Variants in COPB2 observed in about 807,000 individuals in gnomAD.
COPB2 encodes the protein coatomer subunit beta'.
COPB2 carries 16 observed loss-of-function variants against 120.8 expected under a neutral mutation model. The ratio of observed to expected loss-of-function variants is 0.13; its 90% CI spans 0.09 to 0.20. The LOEUF (loss-of-function observed/expected upper bound fraction) is 0.20. Ranked by LOEUF, COPB2 falls within the 10% of genes least tolerant of loss-of-function variation. The pLI is 1.00. For missense variants in COPB2, 794 were observed against 1,076.5 expected, an observed-to-expected ratio of 0.74 and a Z score of 3.67; for synonymous variants, 332 against 366.3, an observed-to-expected ratio of 0.91 and a Z score of 1.07.
In COPB2 at chr3:139,369,550, A is replaced by AG; in HGVS notation, c.1206-7dup. On this transcript the variant is annotated splice_polypyrimidine_tract_variant and splice_region_variant and intron_variant, in intron 10 of 21. Transcript: ENST00000333188. ...TGCTCTCTCTTATTGCATACCTGGG[A>AG]GAAAAAAGGGAAGGCAAACATAACA... The AG allele has an allele frequency of 2.5e-6, 4 of 1,568,818 alleles. No individual in the cohort carries two copies. The highest frequency in any genetic ancestry group is 3.4e-4 in the Middle Eastern group (2 of 5,880).
intron 5 of COPB2, 115 bp from the exon 6 acceptor site, chr3:139,375,729 T>C (rs2107805663): frequency 8.1e-7 from 1 of 1,235,410 alleles, no homozygotes; most frequent in East Asian, 2.7e-5. Context: ...AGAAGAGCTA[T>C]CAAATTTTAT....
At chr3:139,381,130 G>A (rs1941804057) in intron 2 of COPB2, 1 of 152,212 alleles carries the variant, frequency 6.6e-6, no homozygotes, top group Non-Finnish European at 1.5e-5. Flanking sequence ...ATCCTGTGAT[G>A]TAGGCAAGGC....
At position 139,373,882 on chromosome 3, in the gene COPB2, C is replaced by G. The variant is rs1290076425; in HGVS notation, c.752-74G>C. 5.1e-5 allele frequency: 79 copies of G among 1,550,588 alleles called. 1 individual carries two copies. The South Asian group carries it at 8.9e-4, about 18-fold the overall frequency. On this transcript the variant is annotated intron_variant, in intron 7 of 21. Coordinates refer to ENST00000333188, the MANE Select transcript of COPB2 (RefSeq NM_004766.3). ...TAAACTGTGTCAGGTGAAAGAGACCCATAGAAGTCTTTCTATTCAAACAGA... is the reference window on the plus strand; with the variant it reads ...TAAACTGTGTCAGGTGAAAGAGACCGATAGAAGTCTTTCTATTCAAACAGA...
chr3:139,377,487 T>C (rs1245050553), intron 5 of COPB2, among the ~76,000 whole-genome samples: 1 of 152,240 alleles, frequency 6.6e-6, no homozygotes, highest in African/African-American at 2.4e-5. Context: ...ATAGCCTCTC[T>C]AGAGGATGGT....
intron 1 of COPB2, 75 bp downstream of exon 1, chr3:139,389,473 G>A (rs1253467731): frequency 6.8e-7 from 1 of 1,468,588 alleles, no homozygotes; most frequent in Non-Finnish European, 9.2e-7. Context: ...GCTTACCGCG[G>A]CCCTCAGTCC....
At chr3:139,359,619 AAG>A (rs1214991600) in intron 17 of COPB2, among the ~76,000 whole-genome samples, 1 of 152,166 alleles carries the variant, frequency 6.6e-6, no homozygotes, top group Non-Finnish European at 1.5e-5. Context: ...GGGGCTTTTC[AAG>A]AGGAGTTAAG....
Position 139,357,578 on chromosome 3 carries a change from A to C in COPB2, c.*285T>G, listed in dbSNP as rs1316815112. 3.8e-6 allele frequency: 1 copy of C among 260,470 alleles called. No individual in the cohort carries two copies. The highest frequency in any genetic ancestry group is 2.2e-5 in the African/African-American group (1 of 45,416). 16.1% of individuals were successfully genotyped at this position (260,470 alleles called of 1,614,324 possible). A position where few individuals can be genotyped will look rare whatever the true frequency, so the allele number is the denominator to read the frequency against. On this transcript the variant is annotated 3_prime_UTR_variant, in exon 22 of 22. Transcript: ENST00000333188. ...CCTATTTTCATTATTGAGAAAGGAA[A>C]CAAGTACCTTCATTAATTCAAAAGG...
chr3:139,371,687 T>G, intron 10 of COPB2, 36 bp downstream of exon 10: 2 of 1,554,422 alleles, frequency 1.3e-6, no homozygotes, highest in Non-Finnish European at 1.8e-6. Flanking sequence ...ACATCTGCAA[T>G]CAGGGCATGC....
At chr3:139,360,207 ATC>A (rs1244324084) in intron 17 of COPB2, among the ~76,000 whole-genome samples, 1 of 145,752 alleles carries the variant, frequency 6.9e-6, no homozygotes, top group Non-Finnish European at 1.5e-5. Flanking sequence ...AAAAAAAAAA[ATC>A]AGTATGTAGG....
At chr3:139,360,959 C>G in intron 17 of COPB2, 122 bp downstream of exon 17, 2 of 1,050,904 alleles carry the variant, frequency 1.9e-6, no homozygotes. Context: ...CCTGTTCTGA[C>G]TGCCCCGTCT....
intron 1 of COPB2, among the ~76,000 whole-genome samples, 192 bp from the exon 2 acceptor site, chr3:139,383,627 A>T (rs776728033): frequency 1.3e-5 from 2 of 152,206 alleles, no homozygotes; most frequent in Non-Finnish European, 2.9e-5. Flanking sequence ...TCAACATTTT[A>T]AGATTTACAG....
rs151053981 is a variant in COPB2, at chr3:139,357,667, G to A, written c.*196C>T. 68 of 413,752 alleles carry A rather than the reference G, an allele frequency of 1.6e-4. No individual in the cohort carries two copies. In the East Asian group the frequency reaches 2.5e-3, roughly 15 times the overall value. The allele number at this position is 413,752 out of a possible 1,614,324, so 25.6% of individuals were successfully genotyped here. On this transcript the variant is annotated 3_prime_UTR_variant, in exon 22 of 22. Transcript: ENST00000333188. ...AGCCCATGTCTGTTTTAGTTAACAA[G>A]GAAAACACAGTGATTTAAATGCTGC...
intron 18 of COPB2, 28 bp from the exon 19 acceptor site, chr3:139,359,206 G>A (rs753214543): frequency 3.1e-6 from 5 of 1,611,920 alleles, no homozygotes; most frequent in Non-Finnish European, 2.5e-6. Flanking sequence ...GAACCAAAGA[G>A]AGACTAAGTA....
intron 7 of COPB2, chr3:139,374,103 T>C: frequency 2.2e-6 from 1 of 446,176 alleles, no homozygotes; most frequent in Middle Eastern, 6.0e-4. Context: ...CAATTTCTTC[T>C]CACTATAATT....
chr3:139,387,044 C>A (rs796197728), intron 1 of COPB2, among the ~76,000 whole-genome samples: 152 of 121,106 alleles, frequency 1.3e-3, no homozygotes, highest in Non-Finnish European at 1.4e-3. Flanking sequence ...ACTAAAAATA[C>A]AAAAAAAAAA....
At chr3:139,362,367 C>A in intron 16 of COPB2, 40 bp downstream of exon 16, 1 of 1,434,604 alleles carries the variant, frequency 7.0e-7, no homozygotes, top group Non-Finnish European at 9.7e-7. Flanking sequence ...TACCTACTGA[C>A]TTTTCCATCA....
At chr3:139,359,898 A>G (rs1941378240) in intron 17 of COPB2, among the ~76,000 whole-genome samples, 1 of 152,090 alleles carries the variant, frequency 6.6e-6, no homozygotes, top group Admixed American at 6.5e-5. Context: ...ACTATGTATT[A>G]CCTTACATCC....
At chr3:139,387,291 AGAAC>A (rs1199603350) in intron 1 of COPB2, among the ~76,000 whole-genome samples, 6 of 152,158 alleles carry the variant, frequency 3.9e-5, no homozygotes, top group Non-Finnish European at 8.8e-5. Context: ...AAAGAAAGAA[AGAAC>A]GAACAGGCAA....
At chr3:139,367,560 T>TTA (rs1487766300) in intron 13 of COPB2, among the ~76,000 whole-genome samples, 1 of 152,044 alleles carries the variant, frequency 6.6e-6, no homozygotes, top group Non-Finnish European at 1.5e-5. Flanking sequence ...AGTGCTGGGA[T>TTA]TATAGGTGTG....
Sources: gnomAD v4.1 joint callset for allele counts (sites outside exome capture counted in the v4.1 genomes callset) on GRCh38, gnomAD v4.1.1 for gene constraint, MANE v1.5 for transcripts, NCBI Gene and HGNC (gene_info 2026-07-23, HGNC 2026-07-21) for gene names.